Variants in CFAP52 observed in about 807,000 individuals in gnomAD.
The protein encoded by CFAP52 is cilia- and flagella-associated protein 52.
CFAP52 carries 57 observed loss-of-function variants against 70.5 expected under a neutral mutation model. The observed-to-expected ratio is 0.81, with a 90% CI of 0.65 to 1.01. CFAP52 has a LOEUF of 1.01. CFAP52 is among the 50% of genes least tolerant of loss of function. The pLI is 0.00. For missense variants in CFAP52, 785 were observed against 788.5 expected (o/e 1.00, Z 0.05); for synonymous variants, 267 against 292.5 (o/e 0.91, Z 0.89).
chr17:9,584,197 A>T, intron 1 of CFAP52: 1 of 1,230,676 alleles, frequency 8.1e-7, no homozygotes, highest in Non-Finnish European at 1.0e-6. Flanking sequence ...GTTCTCCTGA[A>T]ACTGTTTTTA....
intron 1 of CFAP52, among the ~76,000 whole-genome samples, chr17:9,579,426 G>A (rs564751591): frequency 1.3e-5 from 2 of 152,284 alleles, no homozygotes; most frequent in South Asian, 2.1e-4. Flanking sequence ...GATAACACAG[G>A]AAAGAGAAGC....
In CFAP52 at chr17:9,586,580, A is replaced by G. The variant is rs2151928438; in HGVS notation, c.271-118A>G. 8.1e-6 allele frequency: 11 copies of G among 1,361,232 alleles called. No homozygotes were observed. The South Asian group carries it at 1.2e-4, about 15-fold the overall frequency. The allele number at this position is 1,361,232 out of a possible 1,614,324, so 84.3% of individuals were successfully genotyped here. On this transcript the variant is annotated intron_variant, in intron 2 of 13. Coordinates refer to ENST00000352665, the MANE Select transcript of CFAP52 (RefSeq NM_145054.5). The stretch of plus-strand genomic sequence containing the variant: ...GACTCCGTCTCAACAAAAAAAAAAA[A>G]AAAAAGAAAGAAAAAAGAAAAGTGA...
At chr17:9,599,774 T>C (rs1431888949) in intron 5 of CFAP52, among the ~76,000 whole-genome samples, 2 of 151,968 alleles carry the variant, frequency 1.3e-5, no homozygotes, top group Non-Finnish European at 2.9e-5. Context: ...AGAGTTTTGC[T>C]CTTGTTGCCC....
chr17:9,632,236 C>A (rs1234410888), intron 9 of CFAP52, among the ~76,000 whole-genome samples: 1 of 150,338 alleles, frequency 6.7e-6, no homozygotes, highest in East Asian at 2.0e-4. Flanking sequence ...TGCCACCATG[C>A]GAGGCAAGTT....
intron 4 of CFAP52, 166 bp downstream of exon 4, chr17:9,594,487 G>A (rs1395376117): frequency 8.9e-6 from 7 of 787,160 alleles, no homozygotes; most frequent in African/African-American, 1.8e-5. Context: ...TTCACTGGAA[G>A]TATTTTCACT....
chr17:9,609,894 C>T (rs1909647861), intron 7 of CFAP52, among the ~76,000 whole-genome samples: 1 of 152,026 alleles, frequency 6.6e-6, no homozygotes, highest in Non-Finnish European at 1.5e-5. Context: ...TTGAAAGCCA[C>T]AGCCCCAGAG....
At position 9,600,039 on chromosome 17, in the gene CFAP52, C is replaced by A. The variant is rs767171945; in HGVS notation, c.637-28C>A. On this transcript the variant is annotated intron_variant, in intron 5 of 13. Coordinates refer to ENST00000352665, the MANE Select transcript of CFAP52 (RefSeq NM_145054.5). Reference sequence around the variant, plus strand: ...TACAGGCGTGAGCCACCGAGGCTGGCCAAGATTTCTTTTTCTTGCTTCTTC... The same window carrying A: ...TACAGGCGTGAGCCACCGAGGCTGGACAAGATTTCTTTTTCTTGCTTCTTC... 25 of 1,605,574 alleles carry A rather than the reference C, an allele frequency of 1.6e-5. 1 individual carries two copies. In the South Asian group the frequency reaches 2.8e-4, roughly 18 times the overall value.
At chr17:9,629,546 GCTTTTTTTTTTTTTTTCT>G (rs1910374062) in intron 9 of CFAP52, among the ~76,000 whole-genome samples, 6 of 123,910 alleles carry the variant, frequency 4.8e-5, no homozygotes, top group African/African-American at 1.9e-4. Context: ...TTGCTTGCTT[GCTTTTTTTTTTTTTTTCT>G]CAGATGGAGT....
At chr17:9,604,485 C>T (rs1597779788) in intron 6 of CFAP52, among the ~76,000 whole-genome samples, 1 of 151,922 alleles carries the variant, frequency 6.6e-6, no homozygotes, top group South Asian at 2.1e-4. Flanking sequence ...ATACAGATGG[C>T]AGCCGGGCGC....
rs1200188654 is a variant in CFAP52 at position 9,643,362 on chromosome 17, T to C, written c.*164T>C. ...ATGCATTTTATATTCTTAAATTGCA[T>C]ATTAAAATTGAAGTATGTTCAAGAA... On this transcript the variant is annotated 3_prime_UTR_variant, in exon 14 of 14. Transcript: ENST00000352665. 2.0e-6 allele frequency: 1 copy of C among 498,790 alleles called. No individual in the cohort carries two copies. Among genetic ancestry groups the C allele is most frequent in the East Asian group, 3.5e-5 (1 of 28,620 alleles). The allele number at this position is 498,790 out of a possible 1,614,324, so 30.9% of individuals were successfully genotyped here.
intron 7 of CFAP52, among the ~76,000 whole-genome samples, chr17:9,611,056 G>A (rs1909694059): frequency 6.6e-6 from 1 of 152,180 alleles, no homozygotes; most frequent in East Asian, 1.9e-4. Context: ...TCTAGTTAGT[G>A]CAAGAACTGA....
At chr17:9,640,369 A>G (rs1910997087) in intron 12 of CFAP52, among the ~76,000 whole-genome samples, 1 of 151,422 alleles carries the variant, frequency 6.6e-6, no homozygotes, top group South Asian at 2.1e-4. Context: ...TGCATTAGCT[A>G]TTCTTCCTGA....
chr17:9,637,689 C>T (rs1432518434), intron 11 of CFAP52, among the ~76,000 whole-genome samples: 1 of 152,206 alleles, frequency 6.6e-6, no homozygotes, highest in Non-Finnish European at 1.5e-5. Flanking sequence ...CTTCTCTTGC[C>T]TCAACCTCCC....
At chr17:9,612,759 C>T (rs1357981387) in intron 8 of CFAP52, among the ~76,000 whole-genome samples, 1 of 152,036 alleles carries the variant, frequency 6.6e-6, no homozygotes, top group Non-Finnish European at 1.5e-5. Context: ...TTTCTTAATC[C>T]CATCCAGAGA....
chr17:9,578,299 GACGGC>G (rs1457441657), intron 1 of CFAP52, among the ~76,000 whole-genome samples: 1 of 152,162 alleles, frequency 6.6e-6, no homozygotes, highest in Non-Finnish European at 1.5e-5. Flanking sequence ...TTCAGGACAT[GACGGC>G]ACGTTAAGTG....
chr17:9,625,219 T>C lies in CFAP52; in HGVS notation c.1026-3453T>C, dbSNP rs147276801. Among the ~76,000 whole-genome samples the C allele has an allele frequency of 2.0e-3, 304 of 152,060 alleles. 1 individual carries two copies. Among genetic ancestry groups the C allele is most frequent in the Non-Finnish European group, 3.8e-3 (259 of 67,956 alleles). Reference sequence around the variant, plus strand: ...AAAATCAATTAAAAAAAAAACACAGTAGAATCCTCCCTGGTCTCTGCCTGC... The same window carrying C: ...AAAATCAATTAAAAAAAAAACACAGCAGAATCCTCCCTGGTCTCTGCCTGC... On this transcript the variant is annotated intron_variant, in intron 8 of 13. Coordinates refer to ENST00000352665, the MANE Select transcript of CFAP52 (RefSeq NM_145054.5).
Position 9,628,821 on chromosome 17 carries a change from G to A in CFAP52, c.1174+1G>A, listed in dbSNP as rs2151947836. The stretch of plus-strand genomic sequence containing the variant: ...AGGGACGGCAAAAGCATCATTTCAG[G>A]TAACGTCCACATGTCAAGATCTGGC... On this transcript the variant is annotated splice_donor_variant, in intron 9 of 13. Coordinates refer to ENST00000352665, the MANE Select transcript of CFAP52 (RefSeq NM_145054.5). LOFTEE classifies it high-confidence loss of function. 1.2e-6 allele frequency: 2 copies of A among 1,614,046 alleles called. No individual in the cohort carries two copies. The highest frequency in any genetic ancestry group is 1.7e-5 in the Admixed American group (1 of 60,010).
Position 9,585,909 on chromosome 17 carries a change from C to T in CFAP52, c.207C>T (p.Cys69=). The T allele has an allele frequency of 3.1e-6, 5 of 1,613,772 alleles. No homozygotes were observed. The highest frequency in any genetic ancestry group is 4.2e-6 in the Non-Finnish European group (5 of 1,179,924). Reference sequence around the variant, plus strand: ...AGGGTCATGGCAACAACGTCTCCTGCTTGGCCATCTCCAGGTCTGGAGAGT... The same window carrying T: ...AGGGTCATGGCAACAACGTCTCCTGTTTGGCCATCTCCAGGTCTGGAGAGT... ...FLQGHGNNVS[C]LAISRSGEYI... Residue 69 remains cysteine (C), a synonymous_variant, in exon 2 of 14, where the codon TGC becomes TGT. Coordinates refer to ENST00000352665, the MANE Select transcript of CFAP52 (RefSeq NM_145054.5).
chr17:9,594,530 A>C (rs760742300), intron 4 of CFAP52: 2 of 529,946 alleles, frequency 3.8e-6, no homozygotes, highest in Non-Finnish European at 5.7e-6. Flanking sequence ...ATTGCTGCTG[A>C]AAAGATTTTG....
Sources: gnomAD v4.1 joint callset for allele counts (sites outside exome capture counted in the v4.1 genomes callset) on GRCh38, gnomAD v4.1.1 for gene constraint, MANE v1.5 for transcripts, NCBI Gene and HGNC (gene_info 2026-07-23, HGNC 2026-07-21) for gene names.